SLC4A5: variants seen among roughly 807,000 people sequenced by gnomAD.
SLC4A5 encodes solute carrier family 4 member 5, also known as electrogenic sodium bicarbonate cotransporter 4.
SLC4A5 carries 96 observed loss-of-function variants against 120.4 expected under a neutral mutation model. The ratio of observed to expected loss-of-function variants is 0.80; its 90% CI spans 0.68 to 0.94. SLC4A5 has a LOEUF of 0.94. Among genes scored for constraint, SLC4A5 ranks in the 40% least tolerant of loss-of-function variants. SLC4A5 has a pLI of 0.00. For missense variants in SLC4A5, 1,259 were observed against 1,459.5 expected (o/e 0.86, Z 2.24); for synonymous variants, 550 against 571.1 (o/e 0.96, Z 0.53).
intron 7 of SLC4A5, among the ~76,000 whole-genome samples, chr2:74,303,259 A>G (rs1454949303): frequency 6.6e-6 from 1 of 152,090 alleles, no homozygotes; most frequent in Admixed American, 6.6e-5. Context: ...CCTAATGCCA[A>G]TGATGGGGGT....
intron 4 of SLC4A5, among the ~76,000 whole-genome samples, chr2:74,331,099 G>A (rs994236972): frequency 1.5e-4 from 23 of 149,814 alleles, no homozygotes; most frequent in African/African-American, 4.7e-4. Flanking sequence ...TGATAGTGAC[G>A]TATAGATGGT....
At chr2:74,229,325 C>G (rs1694979284) in intron 25 of SLC4A5, among the ~76,000 whole-genome samples, 1 of 151,450 alleles carries the variant, frequency 6.6e-6, no homozygotes, top group Non-Finnish European at 1.5e-5. Context: ...TCTCGGCTCA[C>G]TGCAGCCTCC....
intron 5 of SLC4A5, among the ~76,000 whole-genome samples, chr2:74,322,409 A>C (rs2104318759): frequency 6.6e-6 from 1 of 152,278 alleles, no homozygotes; most frequent in East Asian, 1.9e-4. Flanking sequence ...AAACAAACAA[A>C]ACACTACCAA....
intron 18 of SLC4A5, among the ~76,000 whole-genome samples, chr2:74,247,859 T>C (rs929230529): frequency 2.0e-5 from 3 of 151,886 alleles, no homozygotes; most frequent in Non-Finnish European, 2.9e-5. Flanking sequence ...GGCAGGAAGG[T>C]GCCAAGACAT....
chr2:74,277,245 C>G (rs1289381444), intron 8 of SLC4A5, among the ~76,000 whole-genome samples: 2 of 152,138 alleles, frequency 1.3e-5, no homozygotes, highest in Non-Finnish European at 2.9e-5. Flanking sequence ...GGGCTCTTGA[C>G]TCTCGTGTAA....
chr2:74,251,176 A>G (rs1422169429), intron 16 of SLC4A5, among the ~76,000 whole-genome samples: 1 of 151,954 alleles, frequency 6.6e-6, no homozygotes, highest in Non-Finnish European at 1.5e-5. Flanking sequence ...TTTAGCAGCT[A>G]CCTACTAGAT....
intron 16 of SLC4A5, 112 bp downstream of exon 16, chr2:74,252,067 G>T: frequency 8.7e-7 from 1 of 1,146,276 alleles, no homozygotes. Flanking sequence ...AGAAGGCAGG[G>T]GTGACCTCGA....
At chr2:74,217,760 C>T (rs1694489275) in exon 31 of SLC4A5, 1 of 152,194 alleles carries the variant, frequency 6.6e-6, no homozygotes, top group Admixed American at 6.5e-5. Flanking sequence ...TCTGGGAAAG[C>T]CCCAGTCACA....
intron 5 of SLC4A5, among the ~76,000 whole-genome samples, chr2:74,318,747 T>C (rs1673026915): frequency 6.6e-6 from 1 of 151,264 alleles, no homozygotes; most frequent in Non-Finnish European, 1.5e-5. Context: ...AAACATGCAC[T>C]GTCGGTGGGA....
At chr2:74,280,906 T>G (rs2104140390) in intron 8 of SLC4A5, among the ~76,000 whole-genome samples, 1 of 152,198 alleles carries the variant, frequency 6.6e-6, no homozygotes, top group East Asian at 1.9e-4. Flanking sequence ...AGGCTGGTCT[T>G]GAACTCCTGA....
At chr2:74,293,365 C>T (rs1044619731) in intron 7 of SLC4A5, among the ~76,000 whole-genome samples, 1 of 152,154 alleles carries the variant, frequency 6.6e-6, no homozygotes, top group Non-Finnish European at 1.5e-5. Flanking sequence ...TCCCCTCCTC[C>T]CATAAGGATG....
chr2:74,264,422 GGCTTTGCCACTA>G (rs1671236760), intron 9 of SLC4A5, 123 bp from the exon 10 acceptor site: 1 of 1,178,514 alleles, frequency 8.5e-7, no homozygotes, highest in East Asian at 2.6e-5. Flanking sequence ...AAGTACTCCT[GGCTTTGCCACTA>G]GCTGTGGAAA....
chr2:74,263,115 C>T (rs1037503429), intron 10 of SLC4A5, among the ~76,000 whole-genome samples: 1 of 152,242 alleles, frequency 6.6e-6, no homozygotes, highest in Middle Eastern at 3.2e-3. Flanking sequence ...TCTCTGCTCA[C>T]TGCAACCTCC....
chr2:74,299,764 T>C (rs1672424964), intron 7 of SLC4A5, among the ~76,000 whole-genome samples: 1 of 152,158 alleles, frequency 6.6e-6, no homozygotes, highest in East Asian at 1.9e-4. Flanking sequence ...TTGTGCACTG[T>C]TGGTGGGAAT....
At position 74,225,061 on chromosome 2, in the gene SLC4A5, T is replaced by G. The variant is rs749409054; in HGVS notation, c.3091-66A>C. 1.5e-5 allele frequency: 22 copies of G among 1,513,730 alleles called. 1 individual carries two copies. The East Asian group carries it at 5.0e-4, about 34-fold the overall frequency. The allele number at this position is 1,513,730 out of a possible 1,614,324, so 93.8% of individuals were successfully genotyped here. A position where few individuals can be genotyped will look rare whatever the true frequency, so the allele number is the denominator to read the frequency against. ...AAAACTGTGGTCTCAATGCCCAAACTCAGGCATAGATTTTTTTCTCCCTCA... is the reference window on the plus strand; with the variant it reads ...AAAACTGTGGTCTCAATGCCCAAACGCAGGCATAGATTTTTTTCTCCCTCA... On this transcript the variant is annotated intron_variant, in intron 27 of 30. Transcript: ENST00000394019.
intron 19 of SLC4A5, 52 bp downstream of exon 19, chr2:74,246,984 G>A: frequency 6.3e-7 from 1 of 1,593,624 alleles, no homozygotes; most frequent in Non-Finnish European, 8.6e-7. Context: ...GAAGGATCAG[G>A]GGGCCGGTGG....
chr2:74,283,539 A>G (rs918139986), intron 8 of SLC4A5, among the ~76,000 whole-genome samples: 3 of 152,130 alleles, frequency 2.0e-5, no homozygotes, highest in Admixed American at 2.0e-4. Flanking sequence ...TGGAGTGGGG[A>G]AAACCTGGGG....
At chr2:74,274,383 A>G (rs6723819) in intron 8 of SLC4A5, among the ~76,000 whole-genome samples, 17,799 of 152,266 alleles carry the variant, frequency 0.12, 1,170 homozygotes, top group East Asian at 0.24. Flanking sequence ...ATAAAATCAC[A>G]TGCATGAAAA....
At chr2:74,283,373 G>A (rs541153517) in intron 8 of SLC4A5, among the ~76,000 whole-genome samples, 1 of 152,182 alleles carries the variant, frequency 6.6e-6, no homozygotes, top group Non-Finnish European at 1.5e-5. Flanking sequence ...GATCAGCACC[G>A]TAAGTGTTCA....
Sources: allele counts gnomAD v4.1 joint callset (sites outside exome capture counted in the v4.1 genomes callset), GRCh38; gene constraint gnomAD v4.1.1; transcripts MANE v1.5; gene names NCBI Gene and HGNC (gene_info 2026-07-23, HGNC 2026-07-21).